PRKCA: variants seen among roughly 807,000 people sequenced by gnomAD.
PRKCA encodes protein kinase C alpha.
PRKCA carries 27 observed loss-of-function variants against 87.0 expected under a neutral mutation model. That is an observed-to-expected ratio of 0.31 (90% CI 0.23 to 0.43). The LOEUF is 0.43. PRKCA is among the 20% of genes least tolerant of loss of function. The probability of loss-of-function intolerance (pLI) is 1.00; values close to 1 mark genes in which losing one functional copy is unlikely to be tolerated. For missense variants in PRKCA, 518 were observed against 852.3 expected (o/e 0.61, Z 4.88); for synonymous variants, 329 against 311.1 (o/e 1.06, Z -0.61).
At chr17:66,470,113 T>C (rs1483327337) in intron 2 of PRKCA, among the ~76,000 whole-genome samples, 4 of 150,468 alleles carry the variant, frequency 2.7e-5, no homozygotes, top group African/African-American at 9.8e-5. Flanking sequence ...GCCACAGAAA[T>C]GAAACCTCAG....
At chr17:66,442,248 C>T (rs944017627) in intron 2 of PRKCA, among the ~76,000 whole-genome samples, 15 of 150,294 alleles carry the variant, frequency 1.0e-4, no homozygotes, top group African/African-American at 3.4e-4. Flanking sequence ...TTAGTTGAGA[C>T]AGGGTTTCAT....
intron 4 of PRKCA, among the ~76,000 whole-genome samples, chr17:66,643,149 T>C (rs1231252114): frequency 2.0e-5 from 3 of 152,238 alleles, no homozygotes; most frequent in Non-Finnish European, 2.9e-5. Context: ...ATATTTTAAC[T>C]ACTTTAAAAC....
intron 8 of PRKCA, among the ~76,000 whole-genome samples, chr17:66,725,000 G>A (rs1764329602): frequency 6.6e-6 from 1 of 152,178 alleles, no homozygotes; most frequent in Non-Finnish European, 1.5e-5. Context: ...GCTGGATCTT[G>A]GGCAAGCCAG....
chr17:66,394,138 AG>A (rs1206161455), intron 2 of PRKCA, among the ~76,000 whole-genome samples: 6 of 152,188 alleles, frequency 3.9e-5, no homozygotes, highest in Admixed American at 3.3e-4. Context: ...GCCTTAGAAA[AG>A]GCAGCTCTGT....
At chr17:66,368,471 A>G (rs1340711101) in intron 2 of PRKCA, among the ~76,000 whole-genome samples, 1 of 138,656 alleles carries the variant, frequency 7.2e-6, no homozygotes, top group Non-Finnish European at 1.5e-5. Context: ...ACTCAAGGCA[A>G]CCTCCATCTC....
intron 2 of PRKCA, among the ~76,000 whole-genome samples, chr17:66,427,254 ACTC>A (rs1231326325): frequency 6.6e-6 from 1 of 151,810 alleles, no homozygotes; most frequent in Non-Finnish European, 1.5e-5. Context: ...CTGGTTTTGA[ACTC>A]CTAAGCTCAG....
chr17:66,396,115 T>G (rs1170476540), intron 2 of PRKCA, among the ~76,000 whole-genome samples: 2 of 152,124 alleles, frequency 1.3e-5, no homozygotes, highest in Non-Finnish European at 2.9e-5. Context: ...ATATGGTTGC[T>G]AAGTATGGTT....
chr17:66,410,863 A>G, intron 2 of PRKCA, among the ~76,000 whole-genome samples: 1 of 152,126 alleles, frequency 6.6e-6, no homozygotes, highest in East Asian at 1.9e-4. Context: ...GGCGTGAGCC[A>G]CCTTGCCCAG....
At chr17:66,778,855 A>G (rs1169530698) in intron 14 of PRKCA, among the ~76,000 whole-genome samples, 3 of 151,886 alleles carry the variant, frequency 2.0e-5, no homozygotes, top group Non-Finnish European at 2.9e-5. Context: ...CAAAAAAAAA[A>G]AAAAAAACAA....
At chr17:66,401,409 T>A (rs1911018773) in intron 2 of PRKCA, among the ~76,000 whole-genome samples, 1 of 152,188 alleles carries the variant, frequency 6.6e-6, no homozygotes, top group Admixed American at 6.5e-5. Flanking sequence ...ATAGGTGACA[T>A]GATGCCAAGT....
intron 13 of PRKCA, among the ~76,000 whole-genome samples, chr17:66,762,760 G>A (rs1176441333): frequency 6.6e-6 from 1 of 152,102 alleles, no homozygotes; most frequent in African/African-American, 2.4e-5. Context: ...TTGAGCCTCA[G>A]GAGCCTCTTC....
At chr17:66,724,438 T>C (rs1226621572) in intron 8 of PRKCA, among the ~76,000 whole-genome samples, 1 of 152,176 alleles carries the variant, frequency 6.6e-6, no homozygotes, top group Non-Finnish European at 1.5e-5. Flanking sequence ...GCTCAGAGCC[T>C]GGTCCCCCAC....
intron 8 of PRKCA, among the ~76,000 whole-genome samples, chr17:66,710,711 CCCT>C (rs1398442809): frequency 6.6e-6 from 1 of 152,000 alleles, no homozygotes; most frequent in Non-Finnish European, 1.5e-5. Flanking sequence ...GACCAGTCTC[CCCT>C]CCTCTTCAGA....
At chr17:66,709,998 C>G (rs1156750709) in intron 8 of PRKCA, among the ~76,000 whole-genome samples, 1 of 152,200 alleles carries the variant, frequency 6.6e-6, no homozygotes, top group African/African-American at 2.4e-5. Context: ...TCGCCAAATA[C>G]TCCAGGACCC....
At chr17:66,543,140 G>A (rs1207777579) in intron 3 of PRKCA, among the ~76,000 whole-genome samples, 1 of 152,140 alleles carries the variant, frequency 6.6e-6, no homozygotes, top group African/African-American at 2.4e-5. Context: ...TATAAATTTT[G>A]CCTGATAAAT....
rs201169385 is a variant in PRKCA, at chr17:66,447,518, CT to C, written c.206-48681del. On this transcript the variant is annotated intron_variant, in intron 2 of 16. Coordinates refer to ENST00000413366, the MANE Select transcript of PRKCA (RefSeq NM_002737.3). ...ATAGTAAAATGTGGGATGGCGTTTT[CT>C]TGCTAAAGTGCAGCTTAACTGGGGG... is the stretch of plus-strand genomic sequence containing the variant. Among the ~76,000 whole-genome samples, 21 of 152,324 alleles carry C rather than the reference CT, an allele frequency of 1.4e-4. No homozygotes were observed. The East Asian group carries it at 3.1e-3, about 22-fold the overall frequency.
intron 2 of PRKCA, among the ~76,000 whole-genome samples, chr17:66,322,285 A>G (rs1318704717): frequency 6.6e-6 from 1 of 152,188 alleles, no homozygotes; most frequent in Non-Finnish European, 1.5e-5. Context: ...TTGTGTGATC[A>G]TGGAGTGTTC....
At chr17:66,406,585 GTTTTTTTTTT>G (rs71160568) in intron 2 of PRKCA, among the ~76,000 whole-genome samples, 28 of 70,184 alleles carry the variant, frequency 4.0e-4, no homozygotes, top group South Asian at 2.1e-3. Context: ...GCTTTTCCAG[GTTTTTTTTTT>G]TTTTTTTTTT....
intron 3 of PRKCA, among the ~76,000 whole-genome samples, chr17:66,521,926 T>C (rs1259754830): frequency 6.6e-6 from 1 of 152,234 alleles, no homozygotes; most frequent in African/African-American, 2.4e-5. Context: ...GAATGCTCTT[T>C]GAAATAACAA....
Sources: gnomAD v4.1 joint callset for allele counts (sites outside exome capture counted in the v4.1 genomes callset) on GRCh38, gnomAD v4.1.1 for gene constraint, MANE v1.5 for transcripts, NCBI Gene and HGNC (gene_info 2026-07-23, HGNC 2026-07-21) for gene names.